ZNF335: variants seen among roughly 807,000 people sequenced by gnomAD.
ZNF335 encodes NRC-interacting factor 1.
ZNF335 carries 84 observed loss-of-function variants against 145.6 expected under a neutral mutation model. That is an observed-to-expected ratio of 0.58 (90% CI 0.48 to 0.69). The LOEUF (loss-of-function observed/expected upper bound fraction) is 0.69. Ranked by LOEUF, ZNF335 falls within the 30% of genes least tolerant of loss-of-function variation. ZNF335 has a pLI of 0.00. For synonymous variants in ZNF335, 761 were observed against 717.0 expected, an observed-to-expected ratio of 1.06 and a Z score of -0.98; for missense variants, 1,865 against 1,809.7, an observed-to-expected ratio of 1.03 and a Z score of -0.55.
Position 45,948,837 on chromosome 20 carries a change from G to T in ZNF335, c.*116C>A, listed in dbSNP as rs545498223. Reference sequence around the variant, plus strand: ...AGGTCTGGCTCCCTGGGAATGAGAGGATGCTGGCTATCCAGTATCTGGAGA... The same window carrying T: ...AGGTCTGGCTCCCTGGGAATGAGAGTATGCTGGCTATCCAGTATCTGGAGA... On this transcript the variant is annotated 3_prime_UTR_variant, in exon 28 of 28. Transcript: ENST00000322927. 4.0e-6 allele frequency: 6 copies of T among 1,517,898 alleles called. No homozygotes were observed. The highest frequency in any genetic ancestry group is 5.4e-6 in the Non-Finnish European group (6 of 1,113,124). 94.0% of individuals were successfully genotyped at this position (1,517,898 alleles called of 1,614,324 possible).
intron 7 of ZNF335, among the ~76,000 whole-genome samples, chr20:45,965,031 A>C (rs1404912456): frequency 2.6e-5 from 1 of 38,582 alleles, no homozygotes; most frequent in African/African-American, 7.9e-5. Context: ...TCTGTCTCAA[A>C]ATAATAATAA....
intron 6 of ZNF335, chr20:45,967,290 C>G (rs949714078): frequency 2.9e-6 from 2 of 684,280 alleles, no homozygotes; most frequent in Non-Finnish European, 4.8e-6. Context: ...GTGAACAGGG[C>G]CCCCTGTGCT....
Position 45,950,437 on chromosome 20 carries a change from C to T in ZNF335, c.3332+16G>A. 1 of 1,614,102 alleles carries T rather than the reference C, an allele frequency of 6.2e-7. No individual in the cohort carries two copies. The highest frequency in any genetic ancestry group is 8.5e-7 in the Non-Finnish European group (1 of 1,179,942). On this transcript the variant is annotated intron_variant, in intron 21 of 27. Transcript: ENST00000322927. ...TACATGCCCAGCAGTCCCCACCCAC[C>T]AGTATCTGGCCTCACCGCTGCCCGC... is the stretch of plus-strand genomic sequence containing the variant.
At chr20:45,971,982 A>G in intron 1 of ZNF335, 140 bp downstream of exon 1, 1 of 1,164,826 alleles carries the variant, frequency 8.6e-7, no homozygotes, top group Non-Finnish European at 1.1e-6. Flanking sequence ...CAAGTGCGAG[A>G]GCGACTAAAG....
In ZNF335 at chr20:45,972,184, C is replaced by G. The variant is rs780815864; in HGVS notation, c.-113G>C. 7.8e-7 allele frequency: 1 copy of G among 1,289,344 alleles called. No individual in the cohort carries two copies. The highest frequency in any genetic ancestry group is 2.3e-5 in the Admixed American group (1 of 43,494). 79.9% of individuals were successfully genotyped at this position (1,289,344 alleles called of 1,614,324 possible). A position where few individuals can be genotyped will look rare whatever the true frequency, so the allele number is the denominator to read the frequency against. ...CATCGACGAGGTCGCCATCCTCTTT[C>G]CTCCGCTGCGGAGGAACCCATCGGC... On this transcript the variant is annotated 5_prime_UTR_variant, in exon 1 of 28. Transcript: ENST00000322927.
chr20:45,962,805 T>G (rs1568821081), intron 9 of ZNF335, among the ~76,000 whole-genome samples: 1 of 102,866 alleles, frequency 9.7e-6, no homozygotes, highest in Non-Finnish European at 2.1e-5. Context: ...GGAACCGTTT[T>G]TTTTTTTTTG....
chr20:45,956,937 A>T (rs1487226952), intron 17 of ZNF335, among the ~76,000 whole-genome samples: 1 of 152,228 alleles, frequency 6.6e-6, no homozygotes, highest in African/African-American at 2.4e-5. Flanking sequence ...TAAAACTTCT[A>T]TACACCCCTA....
rs117802609 is a variant in ZNF335, at chr20:45,967,623, C to T, written c.826G>A (p.Ala276Thr). Residue 276 changes from alanine to threonine, a missense_variant, in exon 6 of 28, where the codon GCA becomes ACA. By Grantham distance (58) the Ala-to-Thr change is moderately conservative (BLOSUM62 0). Coordinates refer to ENST00000322927, the MANE Select transcript of ZNF335 (RefSeq NM_022095.4). ...CGTCCTTTTTTACCAGCTGCTGCTG[C>T]GGCTGCTGCTACTGGAAGTGGAGGG... ...ERHFRPVAAA[A>T]AAAGKKGRLR... The T allele has an allele frequency of 6.4e-3, 10,401 of 1,613,918 alleles. 50 individuals carry two copies. The highest frequency in any genetic ancestry group is 8.9e-3 in the Middle Eastern group (54 of 6,062).
chr20:45,958,556 G>A (rs2083769819), intron 15 of ZNF335, among the ~76,000 whole-genome samples: 1 of 152,188 alleles, frequency 6.6e-6, no homozygotes, highest in Non-Finnish European at 1.5e-5. Flanking sequence ...ACGTGGCAGA[G>A]ACTGCTAGCT....
chr20:45,959,241 G>A lies in ZNF335; in HGVS notation c.2213C>T (p.Ala738Val), dbSNP rs370168098. 5.3e-5 allele frequency: 77 copies of A among 1,461,174 alleles called. No homozygotes were observed. The Middle Eastern group carries it at 5.5e-4, about 10-fold the overall frequency. The allele number at this position is 1,461,174 out of a possible 1,614,324, so 90.5% of individuals were successfully genotyped here. A position where few individuals can be genotyped will look rare whatever the true frequency, so the allele number is the denominator to read the frequency against. Residue 738 changes from alanine to valine, a missense_variant, in exon 15 of 28, where the codon GCG becomes GTG. Coordinates refer to ENST00000322927, the MANE Select transcript of ZNF335 (RefSeq NM_022095.4). ...QIEELKQQHS[A>V]APGPPPSSPG... ...GGAACTGGGAGGTGGTCCAGGGGCCGCACTGTGCTGCTGCTTCAGCTCCTC... is the reference window on the plus strand; with the variant it reads ...GGAACTGGGAGGTGGTCCAGGGGCCACACTGTGCTGCTGCTTCAGCTCCTC...
chr20:45,953,676 C>CA lies in ZNF335; in HGVS notation c.2702+12dup. 1.2e-6 allele frequency: 2 copies of CA among 1,611,794 alleles called. No individual in the cohort carries two copies. The highest frequency in any genetic ancestry group is 1.7e-6 in the Non-Finnish European group (2 of 1,178,152). ...AAAAAGCTGAAAGGGGCCTTGCAGG[C>CA]AGCAGGTCTCACCTGTAAGGTGTGC... On this transcript the variant is annotated intron_variant, in intron 18 of 27. Transcript: ENST00000322927.
intron 3 of ZNF335, chr20:45,968,646 GTCC>G (rs2084004365): frequency 2.5e-6 from 1 of 406,710 alleles, no homozygotes; most frequent in South Asian, 5.1e-5. Context: ...AACCTGGGAA[GTCC>G]TCCTTCCTCT....
At position 45,960,542 on chromosome 20, in the gene ZNF335, G is replaced by C; in HGVS notation, c.1783-17C>G. 1 of 1,614,092 alleles carries C rather than the reference G, an allele frequency of 6.2e-7. No homozygotes were observed. Among genetic ancestry groups the C allele is most frequent in the Non-Finnish European group, 8.5e-7 (1 of 1,179,978 alleles). Reference sequence around the variant, plus strand: ...CTTTCCACACTGTGAGGGGTGGAGAGCAGTGAGATGGCGATCACCCTCCAT... The same window carrying C: ...CTTTCCACACTGTGAGGGGTGGAGACCAGTGAGATGGCGATCACCCTCCAT... On this transcript the variant is annotated splice_polypyrimidine_tract_variant and intron_variant, in intron 12 of 27. Transcript: ENST00000322927.
At chr20:45,961,209 C>T (rs1392126050) in intron 10 of ZNF335, among the ~76,000 whole-genome samples, 1 of 152,090 alleles carries the variant, frequency 6.6e-6, no homozygotes, top group Non-Finnish European at 1.5e-5. Flanking sequence ...AAGACATCGT[C>T]TCTACAAAAA....
chr20:45,950,284 G>A lies in ZNF335; in HGVS notation c.3422C>T (p.Pro1141Leu). 1.3e-6 allele frequency: 2 copies of A among 1,558,632 alleles called. No homozygotes were observed. Among genetic ancestry groups the A allele is most frequent in the South Asian group, 1.2e-5 (1 of 81,614 alleles). ...RKSGTPTARA[P>L]TQTPTQTIIL... is the part of the protein sequence containing the mutation. ...GATGGTCTGGGTTGGGGTCTGGGTA[G>A]GGGCCCGGGCTGTAGGGGTTCCTGA... The change falls in exon 22 of 28, where the codon CCT (proline) becomes CTT (leucine). Residue 1141 changes from proline to leucine, a missense_variant. Transcript: ENST00000322927.
In ZNF335 at chr20:45,950,569, T is replaced by C. The variant is rs1030729921; in HGVS notation, c.3216A>G (p.Leu1072=). ...VRAHMAQHSS[L]RPHQCSQCSF... is the part of the protein sequence containing the mutation. ...TGCACTGGCTACACTGGTGGGGCCG[T>C]AGGCTTGAGTGCTGTGCCATGTGCG... The change falls in exon 21 of 28, where the codon CTA becomes CTG. Residue 1072 remains leucine (L), a synonymous_variant. Transcript: ENST00000322927. 7 of 1,613,932 alleles carry C rather than the reference T, an allele frequency of 4.3e-6. No individual in the cohort carries two copies. Among genetic ancestry groups the C allele is most frequent in the Non-Finnish European group, 5.9e-6 (7 of 1,180,030 alleles).
At position 45,949,791 on chromosome 20, in the gene ZNF335, G is replaced by A. The variant is rs780500567; in HGVS notation, c.3669+9C>T. ...CAGCTGAGGGGATTAACAGTAGCTA[G>A]TAGCTCACCTGGTTGTCGGAGGTCA... On this transcript the variant is annotated intron_variant, in intron 24 of 27. Coordinates refer to ENST00000322927, the MANE Select transcript of ZNF335 (RefSeq NM_022095.4). The A allele has an allele frequency of 1.2e-6, 2 of 1,614,106 alleles. No individual in the cohort carries two copies. The highest frequency in any genetic ancestry group is 8.5e-7 in the Non-Finnish European group (1 of 1,179,982).
chr20:45,958,076 A>C, intron 15 of ZNF335, 148 bp from the exon 16 acceptor site: 1 of 634,596 alleles, frequency 1.6e-6, no homozygotes, highest in Non-Finnish European at 2.7e-6. Context: ...TTTGAGATGG[A>C]GTCTCTCTGT....
chr20:45,955,350 C>CAAAAAAA lies in ZNF335; in HGVS notation c.2443-1409_2443-1403dup, dbSNP rs61555698. Among the ~76,000 whole-genome samples, 31 of 37,330 alleles carry CAAAAAAA rather than the reference C, an allele frequency of 8.3e-4. 7 individuals carry two copies. Among genetic ancestry groups the CAAAAAAA allele is most frequent in the African/African-American group, 2.8e-3 (24 of 8,550 alleles). The allele number at this position is 37,330 out of a possible 152,430, so 24.5% of individuals were successfully genotyped here. On this transcript the variant is annotated intron_variant, in intron 17 of 27. Transcript: ENST00000322927. ...TGGGCAACAGAGCAAGACTCTGTCTCAAAAAAAAAAAAAAAAAAAAGATTT... is the reference window on the plus strand; with the variant it reads ...TGGGCAACAGAGCAAGACTCTGTCTCAAAAAAAAAAAAAAAAAAAAAAAAAAAGATTT...
Sources: allele counts gnomAD v4.1 joint callset (sites outside exome capture counted in the v4.1 genomes callset), GRCh38; gene constraint gnomAD v4.1.1; transcripts MANE v1.5; gene names NCBI Gene and HGNC (gene_info 2026-07-23, HGNC 2026-07-21).